Variants in USP40 observed in about 807,000 individuals in gnomAD.
USP40 encodes the protein ubiquitin carboxyl-terminal hydrolase 40.
USP40 carries 143 observed loss-of-function variants against 166.2 expected under a neutral mutation model. The ratio of observed to expected loss-of-function variants is 0.86; its 90% CI spans 0.75 to 0.99. The LOEUF (loss-of-function observed/expected upper bound fraction) is 0.99. Among genes scored for constraint, USP40 ranks in the 50% least tolerant of loss-of-function variants. USP40 has a pLI of 0.00. For missense variants in USP40, 1,444 were observed against 1,479.7 expected (o/e 0.98, Z 0.40); for synonymous variants, 498 against 524.0 (o/e 0.95, Z 0.68).
At chr2:233,482,171 T>C (rs915477909) in intron 30 of USP40, among the ~76,000 whole-genome samples, 2 of 152,222 alleles carry the variant, frequency 1.3e-5, no homozygotes, top group Admixed American at 6.5e-5. Flanking sequence ...TACACTCATA[T>C]GATAAGCCAA....
intron 8 of USP40, among the ~76,000 whole-genome samples, chr2:233,545,321 T>A (rs1300353563): frequency 6.6e-6 from 1 of 152,160 alleles, no homozygotes; most frequent in South Asian, 2.1e-4. Context: ...GAGCCCAACA[T>A]ATGACAAGTT....
intron 26 of USP40, among the ~76,000 whole-genome samples, chr2:233,490,217 G>A: frequency 7.6e-6 from 1 of 131,862 alleles, no homozygotes; most frequent in East Asian, 2.2e-4. Context: ...AGCCTGAAGT[G>A]CAGTGGCGCA....
Position 233,520,976 on chromosome 2 carries a change from T to C in USP40, c.2325+15A>G. 1 of 1,600,466 alleles carries C rather than the reference T, an allele frequency of 6.2e-7. No homozygotes were observed. Among genetic ancestry groups the C allele is most frequent in the Non-Finnish European group, 8.5e-7 (1 of 1,174,714 alleles). Reference sequence around the variant, plus strand: ...TGAAAATCTATCAGCCAACCTTTAATTATATTCTACTCACTGTGTTAACAG... The same window carrying C: ...TGAAAATCTATCAGCCAACCTTTAACTATATTCTACTCACTGTGTTAACAG... On this transcript the variant is annotated intron_variant, in intron 17 of 31. Coordinates refer to ENST00000678225, the MANE Select transcript of USP40 (RefSeq NM_001365479.2).
chr2:233,554,725 T>A (rs186275827), intron 5 of USP40, among the ~76,000 whole-genome samples, 199 bp from the exon 6 acceptor site: 1 of 152,292 alleles, frequency 6.6e-6, no homozygotes, highest in African/African-American at 2.4e-5. Context: ...TAATTTAGCT[T>A]AAAATCTATC....
chr2:233,526,817 T>C lies in USP40; in HGVS notation c.1725+590A>G, dbSNP rs183680275. Among the ~76,000 whole-genome samples the C allele has an allele frequency of 2.9e-3, 441 of 152,274 alleles. 1 individual carries two copies. Among genetic ancestry groups the C allele is most frequent in the Middle Eastern group, 6.8e-3 (2 of 292 alleles). ...CACTGCCTCAACTTCAAAATGGGGCTAATGTGTCTTCATGAGATTAAAGAA... is the reference window on the plus strand; with the variant it reads ...CACTGCCTCAACTTCAAAATGGGGCCAATGTGTCTTCATGAGATTAAAGAA... On this transcript the variant is annotated intron_variant, in intron 13 of 31. Coordinates refer to ENST00000678225, the MANE Select transcript of USP40 (RefSeq NM_001365479.2).
intron 3 of USP40, chr2:233,561,365 C>G (rs1446525299): frequency 1.4e-5 from 7 of 491,370 alleles, no homozygotes; most frequent in Non-Finnish European, 2.5e-5. Context: ...GGTACCAAAA[C>G]AGAGATATAG....
intron 2 of USP40, among the ~76,000 whole-genome samples, chr2:233,563,797 C>A (rs920155279): frequency 6.6e-6 from 1 of 152,184 alleles, no homozygotes; most frequent in Non-Finnish European, 1.5e-5. Context: ...GCACATTGTG[C>A]ACTAAGATGT....
chr2:233,512,702 C>G (rs545528581), intron 18 of USP40, 80 bp from the exon 19 acceptor site: 1 of 690,696 alleles, frequency 1.4e-6, no homozygotes, highest in Non-Finnish European at 2.2e-6. Context: ...TAAAAGGAAG[C>G]TGGTTACAGC....
At chr2:233,552,528 T>C (rs1217432822) in intron 6 of USP40, among the ~76,000 whole-genome samples, 2 of 152,194 alleles carry the variant, frequency 1.3e-5, no homozygotes, top group Non-Finnish European at 2.9e-5. Context: ...TAGCAAAAGG[T>C]TCTTATTTTG....
rs1469495511 is a variant in USP40 at position 233,549,205 on chromosome 2, T to C, written c.862A>G (p.Ile288Val). 7 of 1,495,546 alleles carry C rather than the reference T, an allele frequency of 4.7e-6. No individual in the cohort carries two copies. The South Asian group carries it at 4.9e-5, about 10-fold the overall frequency. 92.6% of individuals were successfully genotyped at this position (1,495,546 alleles called of 1,614,324 possible). ...EQSELDDLEYIYDLFSVIIHK... is the reference protein window; with the variant it reads ...EQSELDDLEYVYDLFSVIIHK... The stretch of plus-strand genomic sequence containing the variant: ...ATAATAACTGAGAAGAGGTCATATA[T>C]ATATTCTAAGTCATCCAATTCACTC... The change falls in exon 8 of 32, where the codon ATA (isoleucine) becomes GTA (valine). Residue 288 changes from isoleucine (I) to valine (V), a missense_variant. Physicochemically the swap from Ile to Val is conservative, Grantham distance 29 (BLOSUM62 3). Transcript: ENST00000678225.
At chr2:233,478,174 T>C (rs747558188) in intron 31 of USP40, among the ~76,000 whole-genome samples, 4 of 152,246 alleles carry the variant, frequency 2.6e-5, no homozygotes, top group African/African-American at 4.8e-5. Flanking sequence ...TTTGGGGATA[T>C]CCTGGTAGGC....
chr2:233,528,931 A>C (rs1016398700), intron 12 of USP40, among the ~76,000 whole-genome samples: 1 of 152,232 alleles, frequency 6.6e-6, no homozygotes, highest in African/African-American at 2.4e-5. Flanking sequence ...CCATCTCTTT[A>C]AGTAAGAATC....
chr2:233,560,749 CATT>C, intron 3 of USP40: 1 of 398,220 alleles, frequency 2.5e-6, no homozygotes, highest in Non-Finnish European at 4.5e-6. Context: ...ATAATTAACT[CATT>C]ACTCAATTTA....
At position 233,533,424 on chromosome 2, in the gene USP40, GT is replaced by G; in HGVS notation, c.1471+54del. 5.3e-6 allele frequency: 8 copies of G among 1,517,000 alleles called. No homozygotes were observed. The South Asian group carries it at 1.0e-4, about 20-fold the overall frequency. 94.0% of individuals were successfully genotyped at this position (1,517,000 alleles called of 1,614,324 possible). ...AATAAAAATTCAAACAGCATTCCAT[GT>G]TTATCTTCTAAAGCCATTAACTGAA... On this transcript the variant is annotated intron_variant, in intron 11 of 31. Coordinates refer to ENST00000678225, the MANE Select transcript of USP40 (RefSeq NM_001365479.2).
chr2:233,540,649 T>C lies in USP40; in HGVS notation c.1170+13A>G, dbSNP rs142477328. 2.7e-4 allele frequency: 431 copies of C among 1,572,648 alleles called. 2 individuals carry two copies. In the Middle Eastern group the frequency reaches 4.5e-3, roughly 17 times the overall value. ...TTGGGACTAGGACTTCCCAAAACGATGCCATGTATTACCTTCCGCAGTGGT... is the reference window on the plus strand; with the variant it reads ...TTGGGACTAGGACTTCCCAAAACGACGCCATGTATTACCTTCCGCAGTGGT... On this transcript the variant is annotated intron_variant, in intron 10 of 31. Coordinates refer to ENST00000678225, the MANE Select transcript of USP40 (RefSeq NM_001365479.2).
chr2:233,542,809 T>C (rs1241863723), intron 8 of USP40, among the ~76,000 whole-genome samples: 1 of 152,222 alleles, frequency 6.6e-6, no homozygotes, highest in African/African-American at 2.4e-5. Context: ...ATTTACTTCA[T>C]CTCTCTGGCT....
chr2:233,511,979 T>C (rs1218945621), intron 19 of USP40, 182 bp from the exon 20 acceptor site: 2 of 510,604 alleles, frequency 3.9e-6, no homozygotes, highest in Non-Finnish European at 6.7e-6. Context: ...TTCCATACTC[T>C]TAAGATATTG....
intron 23 of USP40, among the ~76,000 whole-genome samples, chr2:233,497,593 C>T (rs188264559): frequency 1.3e-5 from 2 of 152,316 alleles, no homozygotes; most frequent in African/African-American, 2.4e-5. Context: ...CCTGGCAAGG[C>T]TGGAACGAGA....
intron 25 of USP40, among the ~76,000 whole-genome samples, chr2:233,492,171 C>T (rs141214203): frequency 1.1e-3 from 161 of 152,322 alleles, no homozygotes; most frequent in African/African-American, 3.8e-3. Context: ...TTTAGATACA[C>T]AAACACCTGC....
Sources: allele counts gnomAD v4.1 joint callset (sites outside exome capture counted in the v4.1 genomes callset), GRCh38; gene constraint gnomAD v4.1.1; transcripts MANE v1.5; gene names NCBI Gene and HGNC (gene_info 2026-07-23, HGNC 2026-07-21).